Variants in DPY19L4 observed in about 807,000 individuals in gnomAD.
DPY19L4 encodes probable C-mannosyltransferase DPY19L4.
Under a neutral mutation model 102.8 loss-of-function variants are expected in DPY19L4, and 97 were observed. The observed-to-expected ratio is 0.94, with a 90% CI of 0.80 to 1.12. The LOEUF is 1.12. Among genes scored for constraint, DPY19L4 ranks in the 50% most tolerant of loss-of-function variants. The pLI is 0.00. For synonymous variants in DPY19L4, 252 were observed against 283.1 expected, an observed-to-expected ratio of 0.89 and a Z score of 1.10; for missense variants, 815 against 850.4, an observed-to-expected ratio of 0.96 and a Z score of 0.52.
chr8:94,766,235 C>T (rs1382490868), intron 10 of DPY19L4, among the ~76,000 whole-genome samples: 2 of 152,086 alleles, frequency 1.3e-5, no homozygotes, highest in African/African-American at 2.4e-5. Context: ...ATTAGCTGGG[C>T]GTGGTGGCTT....
chr8:94,722,948 C>T (rs767930979), intron 1 of DPY19L4, among the ~76,000 whole-genome samples: 31 of 152,066 alleles, frequency 2.0e-4, no homozygotes, highest in Non-Finnish European at 4.3e-4. Flanking sequence ...GCTTTCTGAA[C>T]GCAATGTTAG....
intron 14 of DPY19L4, among the ~76,000 whole-genome samples, chr8:94,778,467 A>G (rs969661025): frequency 2.6e-5 from 4 of 152,182 alleles, no homozygotes; most frequent in African/African-American, 7.2e-5. Context: ...ACTTAATTTC[A>G]TCAAGTGGAT....
At chr8:94,721,806 C>T (rs562201589) in intron 1 of DPY19L4, among the ~76,000 whole-genome samples, 21 of 152,286 alleles carry the variant, frequency 1.4e-4, no homozygotes, top group African/African-American at 3.1e-4. Context: ...ATTTTACTTA[C>T]GTGATGTAAA....
chr8:94,757,196 G>A (rs1812198689), intron 7 of DPY19L4, among the ~76,000 whole-genome samples: 1 of 152,142 alleles, frequency 6.6e-6, no homozygotes, highest in African/African-American at 2.4e-5. Flanking sequence ...CAGGAAACAG[G>A]ATGCACTTAT....
chr8:94,787,825 G>A, intron 17 of DPY19L4, 69 bp from the exon 18 acceptor site: 1 of 908,192 alleles, frequency 1.1e-6, no homozygotes, highest in Non-Finnish European at 1.4e-6. Flanking sequence ...ATTTACTGAA[G>A]TTTTAAATGT....
chr8:94,765,752 AG>A lies in DPY19L4; in HGVS notation c.1045del (p.Val349Ter), dbSNP rs770626744. The A allele has an allele frequency of 7.5e-6, 12 of 1,603,650 alleles. 1 individual carries two copies. The highest frequency in any genetic ancestry group is 1.7e-4 in the Middle Eastern group (1 of 6,012). ...GAAGTTTTGTAGCTAAAATAATAAA[AG>A]TGATTAATTTTTACTTGGTGTGTAC... ...KGSFVAKIIK[V>X]INFYLVCTLT... On this transcript the variant is annotated frameshift_variant, in exon 10 of 19. Coordinates refer to ENST00000414645, the MANE Select transcript of DPY19L4 (RefSeq NM_181787.3). LOFTEE classifies it high-confidence loss of function.
chr8:94,764,524 C>T (rs1166878327), intron 8 of DPY19L4, among the ~76,000 whole-genome samples: 10 of 142,456 alleles, frequency 7.0e-5, no homozygotes, highest in Non-Finnish European at 1.1e-4. Flanking sequence ...TGCAGTCAGC[C>T]GAGATCGCGC....
At position 94,782,087 on chromosome 8, in the gene DPY19L4, T is replaced by C. The variant is rs7014947; in HGVS notation, c.1715+921T>C. Among the ~76,000 whole-genome samples, 682 of 152,310 alleles carry C rather than the reference T, an allele frequency of 4.5e-3. 3 individuals are homozygous for C. Among genetic ancestry groups the C allele is most frequent in the African/African-American group, 0.016 (654 of 41,562 alleles). ...ATTTCTGATAATAAAATTTATGTCA[T>C]TTAGGGTTTGCTACATAACAGAATG... On this transcript the variant is annotated intron_variant, in intron 16 of 18. Transcript: ENST00000414645.
intron 3 of DPY19L4, 110 bp downstream of exon 3, chr8:94,734,864 T>C (rs577069403): frequency 7.0e-7 from 1 of 1,432,702 alleles, no homozygotes; most frequent in East Asian, 2.3e-5. Context: ...AGGAACAAAA[T>C]GCTCCAGAAG....
chr8:94,724,786 C>T (rs1274249668), intron 1 of DPY19L4, among the ~76,000 whole-genome samples: 1 of 152,166 alleles, frequency 6.6e-6, no homozygotes, highest in Non-Finnish European at 1.5e-5. Flanking sequence ...CAGGGTTTCA[C>T]CATATTGTCC....
chr8:94,759,500 CTTTTTT>C (rs1161705507), intron 7 of DPY19L4, among the ~76,000 whole-genome samples: 1 of 67,562 alleles, frequency 1.5e-5, no homozygotes, highest in Non-Finnish European at 2.7e-5. Flanking sequence ...TCTACATGTT[CTTTTTT>C]TTTTTTTTTT....
In DPY19L4 at chr8:94,792,540, G is replaced by T. The variant is rs1309845370; in HGVS notation, c.*2630G>T. 6.6e-6 allele frequency: 1 copy of T among 150,866 alleles called. No homozygotes were observed. The highest frequency in any genetic ancestry group is 1.5e-5 in the Non-Finnish European group (1 of 67,770). 9.3% of individuals were successfully genotyped at this position (150,866 alleles called of 1,614,324 possible). A position where few individuals can be genotyped will look rare whatever the true frequency, so the allele number is the denominator to read the frequency against. On this transcript the variant is annotated 3_prime_UTR_variant, in exon 19 of 19. Coordinates refer to ENST00000414645, the MANE Select transcript of DPY19L4 (RefSeq NM_181787.3). Reference sequence around the variant, plus strand: ...TGGGATTACAGACGTGAGCCACTGCGCCCGGCGCAAGTCTTTGTTAAAAGT... The same window carrying T: ...TGGGATTACAGACGTGAGCCACTGCTCCCGGCGCAAGTCTTTGTTAAAAGT...
intron 6 of DPY19L4, among the ~76,000 whole-genome samples, chr8:94,740,478 G>A (rs568266065): frequency 6.6e-5 from 10 of 151,964 alleles, no homozygotes; most frequent in Non-Finnish European, 8.8e-5. Context: ...TTTTTGAGAC[G>A]GAGTCTTGCC....
chr8:94,739,851 T>C (rs1811365992), intron 6 of DPY19L4, 61 bp downstream of exon 6: 1 of 1,570,158 alleles, frequency 6.4e-7, no homozygotes, highest in Non-Finnish European at 8.6e-7. Flanking sequence ...GTCAGAGTTC[T>C]GAAAATGCCT....
intron 8 of DPY19L4, among the ~76,000 whole-genome samples, chr8:94,764,689 G>GTA (rs1189470959): frequency 0.037 from 1,589 of 43,238 alleles, 22 homozygotes; most frequent in South Asian, 0.04. Context: ...GTCTGTGTGT[G>GTA]TATATATATA....
At chr8:94,773,665 G>A (rs1813033167) in intron 13 of DPY19L4, among the ~76,000 whole-genome samples, 1 of 151,802 alleles carries the variant, frequency 6.6e-6, no homozygotes, top group Non-Finnish European at 1.5e-5. Context: ...CTTGACCTCA[G>A]GTGATCCGCC....
chr8:94,727,556 A>G (rs753738298), intron 2 of DPY19L4, among the ~76,000 whole-genome samples: 1 of 152,218 alleles, frequency 6.6e-6, no homozygotes, highest in Non-Finnish European at 1.5e-5. Context: ...TTATTATAGC[A>G]AATAATATAA....
chr8:94,746,054 A>AGC (rs1811658784), intron 6 of DPY19L4, among the ~76,000 whole-genome samples: 9 of 66,936 alleles, frequency 1.3e-4, no homozygotes, highest in South Asian at 5.4e-4. Context: ...ATGCCTGGCC[A>AGC]TTTTTTTTTT....
At chr8:94,764,639 A>T (rs1344632414) in intron 8 of DPY19L4, among the ~76,000 whole-genome samples, 1 of 128,854 alleles carries the variant, frequency 7.8e-6, no homozygotes. Context: ...CATATATATT[A>T]TATATATATG....
Sources: allele counts gnomAD v4.1 joint callset (sites outside exome capture counted in the v4.1 genomes callset), GRCh38; gene constraint gnomAD v4.1.1; transcripts MANE v1.5; gene names NCBI Gene and HGNC (gene_info 2026-07-23, HGNC 2026-07-21).